Variants in ABCG8 observed in about 807,000 individuals in gnomAD.
ABCG8 encodes the protein ATP-binding cassette sub-family G member 8.
A neutral mutation model predicts 71.3 loss-of-function variants in ABCG8; 81 were observed. The observed-to-expected ratio is 1.14, with a 90% confidence interval of 0.95 to 1.37. ABCG8 has a LOEUF of 1.37. ABCG8 is among the 40% of genes most tolerant of loss of function. ABCG8 has a pLI of 0.00. For synonymous variants in ABCG8, 451 were observed against 354.7 expected (o/e 1.27, Z -3.05); for missense variants, 1,119 against 866.2 (o/e 1.29, Z -3.66).
chr2:43,882,269 T>C lies in ABCG8; in HGVS notation c.*4356T>C, dbSNP rs913097912. On this transcript the variant is annotated 3_prime_UTR_variant, in exon 13 of 13. Coordinates refer to ENST00000272286, the MANE Select transcript of ABCG8 (RefSeq NM_022437.3). Reference sequence around the variant, plus strand: ...TGCTTTTGTTTTCTTCTACTTCAACTCTTGTCATGATCCCAAATTAAACAA... The same window carrying C: ...TGCTTTTGTTTTCTTCTACTTCAACCCTTGTCATGATCCCAAATTAAACAA... The C allele has an allele frequency of 1.3e-5, 2 of 152,226 alleles. No homozygotes were observed. Among genetic ancestry groups the C allele is most frequent in the African/African-American group, 4.8e-5 (2 of 41,452 alleles). The allele number at this position is 152,226 out of a possible 1,614,324, so 9.4% of individuals were successfully genotyped here. A position where few individuals can be genotyped will look rare whatever the true frequency, so the allele number is the denominator to read the frequency against.
Position 43,854,199 on chromosome 2 carries a change from G to C in ABCG8, c.964+1331G>C, listed in dbSNP as rs565481004. Among the ~76,000 whole-genome samples the C allele has an allele frequency of 2.4e-4, 37 of 152,292 alleles. No homozygotes were observed. The South Asian group carries it at 7.5e-3, about 31-fold the overall frequency. On this transcript the variant is annotated intron_variant, in intron 6 of 12. Transcript: ENST00000272286. The stretch of plus-strand genomic sequence containing the variant: ...GGGGCAGGAACCTCTCACCAACCTG[G>C]GATGCAAGAGCTACACGGGGCCTGG...
At chr2:43,848,976 T>C (rs571947906) in intron 3 of ABCG8, among the ~76,000 whole-genome samples, 1 of 141,830 alleles carries the variant, frequency 7.1e-6, no homozygotes, top group Admixed American at 7.5e-5. Context: ...GAGCTGAGAT[T>C]GCACCATTGC....
intron 5 of ABCG8, 50 bp from the exon 6 acceptor site, chr2:43,852,549 G>C: frequency 6.2e-7 from 1 of 1,614,008 alleles, no homozygotes; most frequent in Non-Finnish European, 8.5e-7. Flanking sequence ...GCTTGGCTTG[G>C]TCTGGCCAGA....
intron 1 of ABCG8, among the ~76,000 whole-genome samples, chr2:43,841,346 T>G (rs1668576823): frequency 6.6e-6 from 1 of 152,122 alleles, no homozygotes; most frequent in Admixed American, 6.5e-5. Flanking sequence ...TAAACCTGCT[T>G]TTGCTTTTTT....
chr2:43,873,876 T>C lies in ABCG8; in HGVS notation c.1301T>C (p.Leu434Pro), dbSNP rs1034215066. The change falls in exon 9 of 13, where the codon CTC becomes CCC. Residue 434 changes from leucine to proline, a missense_variant. Leu to Pro is a moderately conservative substitution (Grantham distance 98, BLOSUM62 -3). Coordinates refer to ENST00000272286, the MANE Select transcript of ABCG8 (RefSeq NM_022437.3). ...ACLMSMTIGF[L>P]YFGHGSIQLS... ...CTGATGTCAATGACCATCGGCTTCC[T>C]CTATTTTGGCCATGGGAGCATCCAG... 3.1e-6 allele frequency: 5 copies of C among 1,613,996 alleles called. No individual in the cohort carries two copies. The highest frequency in any genetic ancestry group is 1.3e-5 in the African/African-American group (1 of 74,880).
chr2:43,876,207 G>C (rs1669954078), intron 11 of ABCG8, among the ~76,000 whole-genome samples: 1 of 152,230 alleles, frequency 6.6e-6, no homozygotes, highest in South Asian at 2.1e-4. Flanking sequence ...TGGATCAAAT[G>C]TGTGGGTGAC....
At chr2:43,869,201 G>A (rs1374452129) in intron 6 of ABCG8, among the ~76,000 whole-genome samples, 1 of 149,830 alleles carries the variant, frequency 6.7e-6, no homozygotes, top group Non-Finnish European at 1.5e-5. Flanking sequence ...CTATCATTCT[G>A]GACATAATTC....
intron 8 of ABCG8, among the ~76,000 whole-genome samples, chr2:43,873,260 C>T (rs547534450): frequency 3.3e-5 from 5 of 151,590 alleles, no homozygotes; most frequent in Admixed American, 3.3e-4. Flanking sequence ...GCAATCTTGG[C>T]TCACTGCAAC....
At chr2:43,855,793 A>C (rs984611173) in intron 6 of ABCG8, among the ~76,000 whole-genome samples, 2 of 151,428 alleles carry the variant, frequency 1.3e-5, no homozygotes, top group African/African-American at 4.9e-5. Context: ...TAGAACTCTC[A>C]CTATCTATCT....
intron 3 of ABCG8, among the ~76,000 whole-genome samples, chr2:43,851,126 A>C (rs1668900502): frequency 6.6e-6 from 1 of 152,236 alleles, no homozygotes. Flanking sequence ...GTCCTCACAA[A>C]GCCAGCTTCT....
rs139390662 is a variant in ABCG8 at position 43,860,934 on chromosome 2, A to T, written c.964+8066A>T. Among the ~76,000 whole-genome samples, 214 of 151,642 alleles carry T rather than the reference A, an allele frequency of 1.4e-3. 3 individuals are homozygous for T. The East Asian group carries it at 0.03, about 21-fold the overall frequency. On this transcript the variant is annotated intron_variant, in intron 6 of 12. Transcript: ENST00000272286. ...GATAGAATTCTCACTCTCTGGATAG[A>T]ACTCTCACTATATATCTGGATATAA... is the stretch of plus-strand genomic sequence containing the variant.
At chr2:43,840,086 A>G (rs1055885677) in intron 1 of ABCG8, among the ~76,000 whole-genome samples, 1 of 151,994 alleles carries the variant, frequency 6.6e-6, no homozygotes, top group African/African-American at 2.4e-5. Flanking sequence ...GCAGATCCCC[A>G]CTCCCACCAC....
intron 6 of ABCG8, among the ~76,000 whole-genome samples, chr2:43,870,715 A>C (rs147596934): frequency 1.3e-5 from 2 of 151,382 alleles, no homozygotes; most frequent in South Asian, 2.1e-4. Flanking sequence ...AACTCTCACT[A>C]TCTGTCTGGA....
At position 43,881,936 on chromosome 2, in the gene ABCG8, T is replaced by G. The variant is rs535778978; in HGVS notation, c.*4023T>G. 6.6e-6 allele frequency: 1 copy of G among 152,346 alleles called. No homozygotes were observed. The highest frequency in any genetic ancestry group is 2.4e-5 in the African/African-American group (1 of 41,578). 9.4% of individuals were successfully genotyped at this position (152,346 alleles called of 1,614,324 possible). A position where few individuals can be genotyped will look rare whatever the true frequency, so the allele number is the denominator to read the frequency against. On this transcript the variant is annotated 3_prime_UTR_variant, in exon 13 of 13. Coordinates refer to ENST00000272286, the MANE Select transcript of ABCG8 (RefSeq NM_022437.3). ...TTACAGTGTGAGAGCAGCTGTAGACTATAGTAACGTACAGCCGGTGTGGCT... is the reference window on the plus strand; with the variant it reads ...TTACAGTGTGAGAGCAGCTGTAGACGATAGTAACGTACAGCCGGTGTGGCT...
intron 6 of ABCG8, among the ~76,000 whole-genome samples, chr2:43,864,611 T>G (rs1026211326): frequency 2.0e-5 from 3 of 151,730 alleles, no homozygotes; most frequent in African/African-American, 7.2e-5. Flanking sequence ...TCACTATCTG[T>G]CTAGGTAGAA....
intron 2 of ABCG8, among the ~76,000 whole-genome samples, chr2:43,845,215 CT>C (rs1424488357): frequency 4.0e-5 from 6 of 151,892 alleles, no homozygotes; most frequent in Non-Finnish European, 8.8e-5. Flanking sequence ...CAGGAACCCC[CT>C]GGTCAGATTC....
In ABCG8 at chr2:43,877,825, T is replaced by C. The variant is rs1228615053; in HGVS notation, c.1934T>C (p.Leu645Pro). The C allele has an allele frequency of 1.2e-6, 2 of 1,614,154 alleles. No homozygotes were observed. Among genetic ancestry groups the C allele is most frequent in the South Asian group, 2.2e-5 (2 of 91,084 alleles). ...TCGTACCCTCTCTACGCCATCTACC[T>C]CATCGTCATTGGCCTCAGCGGTGGC... ...LDSYPLYAIYLIVIGLSGGFM... is the reference protein window; with the variant it reads ...LDSYPLYAIYPIVIGLSGGFM... The change falls in exon 13 of 13, where the codon CTC becomes CCC. Residue 645 changes from leucine to proline, a missense_variant. Transcript: ENST00000272286.
In ABCG8 at chr2:43,875,202, C is replaced by G. The variant is rs767221496; in HGVS notation, c.1545C>G (p.Thr515=). ...CAYIIIYGMP[T]YWLANLRPGL... ...ACATCATCATCTACGGGATGCCCAC[C>G]TACTGGCTGGCCAACCTGAGGCCAG... The change falls in exon 11 of 13, where the codon ACC becomes ACG. Residue 515 remains threonine, a synonymous_variant. Transcript: ENST00000272286. The G allele has an allele frequency of 1.9e-6, 3 of 1,614,136 alleles. No homozygotes were observed. The highest frequency in any genetic ancestry group is 1.7e-5 in the Admixed American group (1 of 60,012).
In ABCG8 at chr2:43,844,275, C is replaced by T. The variant is rs1037315615; in HGVS notation, c.64-232C>T. ...AGGTTGAGGTTCTCTGGGAAGGTGC[C>T]CCGGGAGAAGCCCCAAACCTCTCTC... On this transcript the variant is annotated intron_variant, in intron 1 of 12. Transcript: ENST00000272286. Among the ~76,000 whole-genome samples, 24 of 152,068 alleles carry T rather than the reference C, an allele frequency of 1.6e-4. 1 individual carries two copies. The highest frequency in any genetic ancestry group is 5.6e-4 in the African/African-American group (23 of 41,402).
Sources: gnomAD v4.1 joint callset for allele counts (sites outside exome capture counted in the v4.1 genomes callset) on GRCh38, gnomAD v4.1.1 for gene constraint, MANE v1.5 for transcripts, NCBI Gene and HGNC (gene_info 2026-07-23, HGNC 2026-07-21) for gene names.